DVL3: variants seen among roughly 807,000 people sequenced by gnomAD.
The protein encoded by DVL3 is dishevelled segment polarity protein 3, also known as segment polarity protein dishevelled homolog DVL-3.
Under a neutral mutation model 67.4 loss-of-function variants are expected in DVL3, and 27 were observed. That is an observed-to-expected ratio of 0.40 (90% CI 0.30 to 0.55). The LOEUF (loss-of-function observed/expected upper bound fraction) is 0.55, where lower values mean the gene tolerates loss of function less well. DVL3 is among the 20% of genes least tolerant of loss of function. DVL3 has a pLI of 0.46. For missense variants in DVL3, 819 were observed against 1,021.5 expected (o/e 0.80, Z 2.70); for synonymous variants, 369 against 396.8 (o/e 0.93, Z 0.83).
At chr3:184,161,831 C>G (rs1714391695) in intron 1 of DVL3, among the ~76,000 whole-genome samples, 3 of 152,208 alleles carry the variant, frequency 2.0e-5, no homozygotes, top group Admixed American at 2.0e-4. Flanking sequence ...GAAATTCCAG[C>G]TCTGACATCT....
At chr3:184,162,516 T>C (rs1262825796) in intron 1 of DVL3, among the ~76,000 whole-genome samples, 2 of 151,872 alleles carry the variant, frequency 1.3e-5, no homozygotes, top group East Asian at 3.9e-4. Context: ...ATGTGGAAAA[T>C]GTTCAGTAAA....
rs539251727 is a variant in DVL3 at position 184,172,340 on chromosome 3, C to T, written c.*1585C>T. ...AATTCTCCTGGCTCTCCTGGGCTTC[C>T]ATATTTTGGGGGCTGGGGTGTCAAA... is the stretch of plus-strand genomic sequence containing the variant. On this transcript the variant is annotated 3_prime_UTR_variant, in exon 15 of 15. Coordinates refer to ENST00000313143, the MANE Select transcript of DVL3 (RefSeq NM_004423.4). 1 of 152,320 alleles carries T rather than the reference C, an allele frequency of 6.6e-6. No individual in the cohort carries two copies. The allele number at this position is 152,320 out of a possible 1,614,324, so 9.4% of individuals were successfully genotyped here. A position where few individuals can be genotyped will look rare whatever the true frequency, so the allele number is the denominator to read the frequency against.
At position 184,167,560 on chromosome 3, in the gene DVL3, A is replaced by G; in HGVS notation, c.1199-20A>G. 1 of 1,611,482 alleles carries G rather than the reference A, an allele frequency of 6.2e-7. No individual in the cohort carries two copies. The highest frequency in any genetic ancestry group is 8.5e-7 in the Non-Finnish European group (1 of 1,179,804). ...CTCCAAAGCCCCTTTCTGCCTCACC[A>G]TTCTGCCTCCCACCCCCAGGCCTAG... On this transcript the variant is annotated intron_variant, in intron 11 of 14. Transcript: ENST00000313143. The surrounding 1 kb of genome is among the most constrained non-coding windows in gnomAD (Gnocchi z 4.6).
In DVL3 at chr3:184,171,228, A is replaced by T. The variant is rs1030665361; in HGVS notation, c.*473A>T. The stretch of plus-strand genomic sequence containing the variant: ...TGCAAACCTCTTGACTTTACCCCAC[A>T]TTACTGAAACCAAAATATATTTGCT... On this transcript the variant is annotated 3_prime_UTR_variant, in exon 15 of 15. Transcript: ENST00000313143. 15 of 1,063,794 alleles carry T rather than the reference A, an allele frequency of 1.4e-5. No individual in the cohort carries two copies. The South Asian group carries it at 4.0e-4, about 28-fold the overall frequency. The allele number at this position is 1,063,794 out of a possible 1,614,324, so 65.9% of individuals were successfully genotyped here. A position where few individuals can be genotyped will look rare whatever the true frequency, so the allele number is the denominator to read the frequency against.
intron 1 of DVL3, among the ~76,000 whole-genome samples, chr3:184,162,326 C>T (rs1218173668): frequency 2.6e-5 from 4 of 151,626 alleles, no homozygotes; most frequent in Non-Finnish European, 4.4e-5. Context: ...CACAGGCATA[C>T]GCTACCACGC....
chr3:184,157,725 T>C lies in DVL3; in HGVS notation c.161+1929T>C, dbSNP rs571335163. 2.0e-5 allele frequency among the ~76,000 whole-genome samples: 3 copies of C among 152,364 alleles called. No homozygotes were observed. The East Asian group carries it at 5.8e-4, about 29-fold the overall frequency. On this transcript the variant is annotated intron_variant, in intron 1 of 14. Transcript: ENST00000313143. Reference sequence around the variant, plus strand: ...AATCTGTGTGCCACCTGAAGCCATCTTGCAAACATCAGTGGTACTTGAACC... The same window carrying C: ...AATCTGTGTGCCACCTGAAGCCATCCTGCAAACATCAGTGGTACTTGAACC...
At position 184,170,188 on chromosome 3, in the gene DVL3, G is replaced by C; in HGVS notation, c.1681G>C (p.Gly561Arg). The C allele has an allele frequency of 6.2e-7, 1 of 1,611,744 alleles. No individual in the cohort carries two copies. Among genetic ancestry groups the C allele is most frequent in the Non-Finnish European group, 8.5e-7 (1 of 1,179,762 alleles). Reference protein sequence around the residue: ...PGFPELGYSYGGGSASSQHSE... With the variant: ...PGFPELGYSYRGGSASSQHSE... ...CTTCCCGGAGCTGGGCTACAGCTAC[G>C]GCGGGGGCAGCGCCAGCAGTCAGCA... is the stretch of plus-strand genomic sequence containing the variant. Residue 561 changes from glycine (G) to arginine (R), a missense_variant, in exon 14 of 15, where the codon GGC becomes CGC. Coordinates refer to ENST00000313143, the MANE Select transcript of DVL3 (RefSeq NM_004423.4). The surrounding 1 kb of genome is among the most constrained non-coding windows in gnomAD (Gnocchi z 6.5).
At chr3:184,168,594 G>C (rs1227974515) in intron 13 of DVL3, among the ~76,000 whole-genome samples, 1 of 152,170 alleles carries the variant, frequency 6.6e-6, no homozygotes, top group African/African-American at 2.4e-5. Flanking sequence ...TTGACAGGTT[G>C]ATGGCTTGGC....
chr3:184,162,078 G>T (rs957002189), intron 1 of DVL3, among the ~76,000 whole-genome samples: 2 of 152,106 alleles, frequency 1.3e-5, no homozygotes, highest in African/African-American at 4.8e-5. Context: ...CATTGTACCT[G>T]CTGCCTTATA....
chr3:184,165,033 G>A lies in DVL3; in HGVS notation c.600-80G>A. The A allele has an allele frequency of 6.2e-7, 1 of 1,608,308 alleles. No homozygotes were observed. The highest frequency in any genetic ancestry group is 8.5e-7 in the Non-Finnish European group (1 of 1,176,874). On this transcript the variant is annotated intron_variant, in intron 5 of 14. Transcript: ENST00000313143. This position sits in a 1 kb window ranked among gnomAD's most constrained non-coding sequence, Gnocchi z 4.1. ...TGGGAGGCTTATGGGCTTTGTGTTG[G>A]GGACCCAGGCCCTGCAGTGCCTCCC...
chr3:184,167,015 G>A lies in DVL3; in HGVS notation c.1198+40G>A. On this transcript the variant is annotated intron_variant, in intron 11 of 14. Transcript: ENST00000313143. The surrounding 1 kb of genome is among the most constrained non-coding windows in gnomAD (Gnocchi z 4.6). ...CTGTCTCCTGGGCCCAGCAGACAGG[G>A]CCAGGTGGGGGGACTGATGAGGGTC... 4 of 1,607,420 alleles carry A rather than the reference G, an allele frequency of 2.5e-6. No homozygotes were observed. Among genetic ancestry groups the A allele is most frequent in the Non-Finnish European group, 3.4e-6 (4 of 1,175,624 alleles).
In DVL3 at chr3:184,171,574, T is replaced by G; in HGVS notation, c.*819T>G. On this transcript the variant is annotated 3_prime_UTR_variant, in exon 15 of 15. Transcript: ENST00000313143. ...ACCCTGGGCCTGGAGCAGCCAAGAA[T>G]TTCGGGCTGTTTGACTTTCTGTGAG... The G allele has an allele frequency of 1.0e-6, 1 of 985,986 alleles. No homozygotes were observed. Among genetic ancestry groups the G allele is most frequent in the Non-Finnish European group, 1.2e-6 (1 of 830,002 alleles). 61.1% of individuals were successfully genotyped at this position (985,986 alleles called of 1,614,324 possible).
In DVL3 at chr3:184,170,652, C is replaced by T. The variant is rs1577053259; in HGVS notation, c.2048C>T (p.Pro683Leu). The T allele has an allele frequency of 8.1e-6, 13 of 1,612,344 alleles. No homozygotes were observed. The highest frequency in any genetic ancestry group is 2.2e-5 in the East Asian group (1 of 44,790). The change falls in exon 15 of 15, where the codon CCG becomes CTG. Residue 683 changes from proline (P) to leucine (L), a missense_variant. By Grantham distance (98) the Pro-to-Leu change is moderately conservative (BLOSUM62 -3). Around this residue, in one of 3 missense-constraint regions of DVL3, gnomAD observed 324 missense variants for 331.3 expected, o/e 0.98. Coordinates refer to ENST00000313143, the MANE Select transcript of DVL3 (RefSeq NM_004423.4). The surrounding 1 kb of genome is among the most constrained non-coding windows in gnomAD (Gnocchi z 6.5). ...GCCATGGGGCCCCCAGGAGCCCCTC[C>T]GGGCCGCGACCTGGCCTCAGTGCCC... ...PAAMGPPGAP[P>L]GRDLASVPPE...
In DVL3 at chr3:184,170,086, C is replaced by T. The variant is rs1456175378; in HGVS notation, c.1579C>T (p.Pro527Ser). The T allele has an allele frequency of 6.2e-7, 1 of 1,614,020 alleles. No homozygotes were observed. Residue 527 changes from proline (P) to serine (S), a missense_variant, in exon 14 of 15, where the codon CCG becomes TCG. Coordinates refer to ENST00000313143, the MANE Select transcript of DVL3 (RefSeq NM_004423.4). This position sits in a 1 kb window ranked among gnomAD's most constrained non-coding sequence, Gnocchi z 6.5. The stretch of plus-strand genomic sequence containing the variant: ...GGACACACTGGCCCCTTTGCCGCAC[C>T]CGGGGGCCGCCCCTTGGCCCATGGC... ...DQDTLAPLPHPGAAPWPMAFP... is the reference protein window; with the variant it reads ...DQDTLAPLPHSGAAPWPMAFP...
intron 1 of DVL3, chr3:184,156,368 CCT>C (rs1295638001): frequency 4.4e-6 from 2 of 456,654 alleles, no homozygotes; most frequent in East Asian, 7.0e-5. Context: ...AGCTGCCTGC[CCT>C]CTCCTTTGTG....
intron 1 of DVL3, among the ~76,000 whole-genome samples, chr3:184,161,511 C>A (rs1469489301): frequency 6.6e-6 from 1 of 152,136 alleles, no homozygotes; most frequent in Non-Finnish European, 1.5e-5. Context: ...GAGCTCCTGG[C>A]ATGCGTCATC....
chr3:184,162,860 G>A lies in DVL3; in HGVS notation c.162-797G>A, dbSNP rs944392435. On this transcript the variant is annotated intron_variant, in intron 1 of 14. Transcript: ENST00000313143. Reference sequence around the variant, plus strand: ...AGGACAATGATGTGAGGCATGAAGGGTGTGGAATGTGGTCACGGGGCATGT... The same window carrying A: ...AGGACAATGATGTGAGGCATGAAGGATGTGGAATGTGGTCACGGGGCATGT... Among the ~76,000 whole-genome samples, 33 of 152,320 alleles carry A rather than the reference G, an allele frequency of 2.2e-4. 1 individual carries two copies. The highest frequency in any genetic ancestry group is 3.4e-3 in the Middle Eastern group (1 of 294).
Position 184,171,111 on chromosome 3 carries a change from A to C in DVL3, c.*356A>C. The C allele has an allele frequency of 8.3e-7, 1 of 1,202,002 alleles. No individual in the cohort carries two copies. Among genetic ancestry groups the C allele is most frequent in the Non-Finnish European group, 1.0e-6 (1 of 956,942 alleles). 74.5% of individuals were successfully genotyped at this position (1,202,002 alleles called of 1,614,324 possible). ...CAGCAATGACCTTGGTGGCACGCTC[A>C]CTCCCTCATTCTCTCGTTTCCCCTT... On this transcript the variant is annotated 3_prime_UTR_variant, in exon 15 of 15. Transcript: ENST00000313143.
chr3:184,161,404 G>T (rs1265261408), intron 1 of DVL3, among the ~76,000 whole-genome samples: 1 of 151,982 alleles, frequency 6.6e-6, no homozygotes, highest in Non-Finnish European at 1.5e-5. Context: ...TCCAGCCTGG[G>T]TGACAGAGCG....
Sources: gnomAD v4.1 joint callset for allele counts (sites outside exome capture counted in the v4.1 genomes callset) on GRCh38, gnomAD v4.1.1 for gene constraint, gnomAD v4.1.1 regional missense constraint, Gnocchi (gnomAD v3.1) non-coding constraint, MANE v1.5 for transcripts, NCBI Gene and HGNC (gene_info 2026-07-23, HGNC 2026-07-21) for gene names.